SYT17: variants seen among roughly 807,000 people sequenced by gnomAD.
SYT17 encodes the protein synaptotagmin 17.
A neutral mutation model predicts 46.7 loss-of-function variants in SYT17; 22 were observed. That is an observed-to-expected ratio of 0.47 (90% confidence interval 0.34 to 0.67). The LOEUF (loss-of-function observed/expected upper bound fraction) is 0.67. SYT17 is among the 30% of genes least tolerant of loss of function. The pLI is 0.01. For missense variants in SYT17, 519 were observed against 612.8 expected (o/e 0.85, Z 1.62); for synonymous variants, 251 against 248.4 (o/e 1.01, Z -0.10).
At chr16:19,257,769 G>A (rs899889014) in intron 7 of SYT17, among the ~76,000 whole-genome samples, 11 of 152,080 alleles carry the variant, frequency 7.2e-5, no homozygotes, top group African/African-American at 1.7e-4. Flanking sequence ...GTAGATCGCC[G>A]GGTACAGTGA....
In SYT17 at chr16:19,267,986, A is replaced by G. The variant is rs920755403; in HGVS notation, c.*910A>G. ...TGTGTGTGTGTGTAAAGTAAATAGG[A>G]TATGATAGAGCAAAAGTAACATTTT... On this transcript the variant is annotated 3_prime_UTR_variant, in exon 8 of 8. Coordinates refer to ENST00000355377, the MANE Select transcript of SYT17 (RefSeq NM_016524.4). 1.3e-5 allele frequency: 2 copies of G among 150,840 alleles called. No individual in the cohort carries two copies. The highest frequency in any genetic ancestry group is 4.9e-5 in the African/African-American group (2 of 41,098). 9.3% of individuals were successfully genotyped at this position (150,840 alleles called of 1,614,324 possible).
intron 7 of SYT17, among the ~76,000 whole-genome samples, chr16:19,237,981 G>A (rs1198062670): frequency 1.3e-5 from 2 of 152,238 alleles, no homozygotes; most frequent in Non-Finnish European, 2.9e-5. Flanking sequence ...ACATTGAGAC[G>A]TCTTTGGAGG....
chr16:19,176,215 C>G (rs1964308089), intron 3 of SYT17, among the ~76,000 whole-genome samples: 1 of 152,180 alleles, frequency 6.6e-6, no homozygotes, highest in South Asian at 2.1e-4. Context: ...TGTGGCAGCA[C>G]TAGACTTGCA....
Position 19,183,730 on chromosome 16 carries a change from G to C in SYT17, c.534G>C (p.Glu178Asp), listed in dbSNP as rs765655008. Residue 178 changes from glutamate to aspartate, a missense_variant, in exon 5 of 8, where the codon GAG becomes GAC. Coordinates refer to ENST00000355377, the MANE Select transcript of SYT17 (RefSeq NM_016524.4). This position sits in a 1 kb window ranked among gnomAD's most constrained non-coding sequence, Gnocchi z 5.6. Reference protein sequence around the residue: ...SDDVDSLTDEEILSKYQLGML... With the variant: ...SDDVDSLTDEDILSKYQLGML... ...ATGTGGACTCTCTGACAGACGAGGA[G>C]ATCCTGTCCAAGTACCAGCTGGGCA... 9.9e-6 allele frequency: 16 copies of C among 1,614,102 alleles called. No homozygotes were observed. The highest frequency in any genetic ancestry group is 1.3e-5 in the African/African-American group (1 of 74,932).
chr16:19,188,571 G>A (rs960615326), intron 5 of SYT17, among the ~76,000 whole-genome samples: 12 of 150,826 alleles, frequency 8.0e-5, no homozygotes, highest in Non-Finnish European at 1.8e-4. Flanking sequence ...GTCTTTGGCC[G>A]GGTTCCCTAG....
intron 5 of SYT17, among the ~76,000 whole-genome samples, chr16:19,200,895 C>T (rs1965433803): frequency 6.6e-6 from 1 of 152,192 alleles, no homozygotes; most frequent in Non-Finnish European, 1.5e-5. Context: ...TTAAACTGGG[C>T]AACCGAGAGG....
At chr16:19,242,131 T>C (rs1967177912) in intron 7 of SYT17, among the ~76,000 whole-genome samples, 1 of 152,222 alleles carries the variant, frequency 6.6e-6, no homozygotes, top group Non-Finnish European at 1.5e-5. Context: ...CCCTGCTTTG[T>C]TGAGGTGCTG....
chr16:19,233,388 A>G (rs988576802), intron 7 of SYT17, among the ~76,000 whole-genome samples: 2 of 152,068 alleles, frequency 1.3e-5, no homozygotes, highest in African/African-American at 4.8e-5. Flanking sequence ...ACAGTGACTC[A>G]CATGTATAAT....
intron 7 of SYT17, among the ~76,000 whole-genome samples, chr16:19,256,905 T>A (rs1272119833): frequency 6.6e-6 from 1 of 152,050 alleles, no homozygotes; most frequent in African/African-American, 2.4e-5. Context: ...AGGAAGAAAT[T>A]AGGCTGGACT....
At chr16:19,169,751 T>C (rs1432734204) in intron 1 of SYT17, 1 of 152,382 alleles carries the variant, frequency 6.6e-6, no homozygotes, top group African/African-American at 2.4e-5. Context: ...GTCACATTAC[T>C]GTCCACCCAC....
intron 7 of SYT17, among the ~76,000 whole-genome samples, chr16:19,232,619 C>T (rs1022386351): frequency 1.3e-5 from 2 of 152,012 alleles, no homozygotes; most frequent in Non-Finnish European, 2.9e-5. Context: ...TCGTTTGAGT[C>T]CAGGAGTTTG....
chr16:19,179,858 C>T (rs1442737867), intron 3 of SYT17, among the ~76,000 whole-genome samples: 1 of 152,202 alleles, frequency 6.6e-6, no homozygotes, highest in Non-Finnish European at 1.5e-5. Flanking sequence ...TTACATCAAA[C>T]TTCTGTTCAG....
chr16:19,263,916 C>T (rs1027278313), intron 7 of SYT17, among the ~76,000 whole-genome samples: 1 of 152,150 alleles, frequency 6.6e-6, no homozygotes, highest in Non-Finnish European at 1.5e-5. Context: ...AATAGTTGTC[C>T]CCCACCCTGC....
rs546051162 is a variant in SYT17 at position 19,247,126 on chromosome 16, G to A, written c.1229-19754G>A. On this transcript the variant is annotated intron_variant, in intron 7 of 7. Coordinates refer to ENST00000355377, the MANE Select transcript of SYT17 (RefSeq NM_016524.4). ...CCAGAGGGAACAGCAACACAAAGGC[G>A]CTGGCAGGAGAAACAGCAAAGAGAT... Among the ~76,000 whole-genome samples the A allele has an allele frequency of 2.6e-5, 4 of 152,292 alleles. No individual in the cohort carries two copies. In the East Asian group the frequency reaches 5.8e-4, roughly 22 times the overall value.
rs911125066 is a variant in SYT17 at position 19,267,873 on chromosome 16, C to G, written c.*797C>G. On this transcript the variant is annotated 3_prime_UTR_variant, in exon 8 of 8. Transcript: ENST00000355377. The stretch of plus-strand genomic sequence containing the variant: ...TGAGCACTGCCTTCTCTCTGCCTCT[C>G]CTGTCCAGTGAGAGTCCAACCAGTG... 1 of 152,380 alleles carries G rather than the reference C, an allele frequency of 6.6e-6. No homozygotes were observed. Among genetic ancestry groups the G allele is most frequent in the Non-Finnish European group, 1.5e-5 (1 of 68,242 alleles). The allele number at this position is 152,380 out of a possible 1,614,324, so 9.4% of individuals were successfully genotyped here.
At chr16:19,205,792 C>T (rs1045510919) in intron 5 of SYT17, among the ~76,000 whole-genome samples, 1 of 152,198 alleles carries the variant, frequency 6.6e-6, no homozygotes, top group African/African-American at 2.4e-5. Context: ...CCTTGACTTT[C>T]CTTTTAAAGA....
intron 5 of SYT17, among the ~76,000 whole-genome samples, chr16:19,190,077 A>C (rs145832311): frequency 1.3e-5 from 2 of 152,252 alleles, no homozygotes; most frequent in Non-Finnish European, 2.9e-5. Context: ...GGGGATTGAC[A>C]TAGACATGAA....
At chr16:19,208,289 T>G (rs574973914) in intron 5 of SYT17, among the ~76,000 whole-genome samples, 12 of 152,202 alleles carry the variant, frequency 7.9e-5, no homozygotes, top group African/African-American at 2.9e-4. Flanking sequence ...TCTCTGCAAT[T>G]ATTGGAGGTG....
intron 5 of SYT17, among the ~76,000 whole-genome samples, chr16:19,194,225 A>G (rs908091310): frequency 1.3e-5 from 2 of 152,166 alleles, no homozygotes; most frequent in East Asian, 1.9e-4. Flanking sequence ...CTTGGCAGCC[A>G]TGTCTCTCTC....
Sources: allele counts gnomAD v4.1 joint callset (sites outside exome capture counted in the v4.1 genomes callset), GRCh38; gene constraint gnomAD v4.1.1; non-coding constraint Gnocchi (gnomAD v3.1); transcripts MANE v1.5; gene names NCBI Gene and HGNC (gene_info 2026-07-23, HGNC 2026-07-21).